TRAPPC12: variants seen among roughly 807,000 people sequenced by gnomAD.
The protein encoded by TRAPPC12 is TPR repeat protein 15.
TRAPPC12 carries 61 observed loss-of-function variants against 69.2 expected under a neutral mutation model. That is an observed-to-expected ratio of 0.88 (90% CI 0.72 to 1.09). The LOEUF (loss-of-function observed/expected upper bound fraction) is 1.09, where lower values mean the gene tolerates loss of function less well. TRAPPC12 is among the 50% of genes least tolerant of loss of function. TRAPPC12 has a pLI of 0.00. For synonymous variants in TRAPPC12, 469 were observed against 438.9 expected (o/e 1.07, Z -0.86); for missense variants, 1,101 against 1,016.4 (o/e 1.08, Z -1.13).
At chr2:3,390,344 C>T (rs1490302870) in intron 2 of TRAPPC12, among the ~76,000 whole-genome samples, 2 of 152,132 alleles carry the variant, frequency 1.3e-5, no homozygotes, top group East Asian at 1.9e-4. Flanking sequence ...TTTTAAAATG[C>T]GTATCAAATG....
At chr2:3,467,611 G>T (rs114076285) in intron 9 of TRAPPC12, 1 of 152,268 alleles carries the variant, frequency 6.6e-6, no homozygotes, top group Non-Finnish European at 1.5e-5. Context: ...GAAGATGCTG[G>T]ATCTGGGAAG....
At chr2:3,427,944 C>T (rs908199963) in intron 5 of TRAPPC12, among the ~76,000 whole-genome samples, 1 of 152,040 alleles carries the variant, frequency 6.6e-6, no homozygotes. Context: ...TTACCTTTGG[C>T]CATTCAGGAA....
chr2:3,472,381 T>A (rs1470187563), intron 9 of TRAPPC12: 1 of 152,252 alleles, frequency 6.6e-6, no homozygotes, highest in African/African-American at 2.4e-5. Flanking sequence ...TCCCTCAGGT[T>A]GTACGATCTG....
chr2:3,397,724 T>C (rs1338580595), intron 2 of TRAPPC12, among the ~76,000 whole-genome samples: 1 of 152,252 alleles, frequency 6.6e-6, no homozygotes, highest in Non-Finnish European at 1.5e-5. Context: ...GAACTTATTA[T>C]ATAGAGATAA....
chr2:3,426,597 G>A (rs567896258), intron 5 of TRAPPC12, among the ~76,000 whole-genome samples: 3 of 152,366 alleles, frequency 2.0e-5, no homozygotes, highest in East Asian at 3.9e-4. Flanking sequence ...CCTCACTGGT[G>A]TTGCTGGCCA....
chr2:3,416,431 G>A (rs576734485), intron 3 of TRAPPC12, among the ~76,000 whole-genome samples: 1 of 152,160 alleles, frequency 6.6e-6, no homozygotes, highest in East Asian at 1.9e-4. Context: ...GCTGAGAGCA[G>A]AAGCACTGCA....
intron 9 of TRAPPC12, 90 bp downstream of exon 9, chr2:3,465,785 A>C (rs1665781294): frequency 1.1e-6 from 1 of 902,922 alleles, no homozygotes; most frequent in Non-Finnish European, 1.8e-6. Context: ...TCATTTTAAT[A>C]TAAGAAAGAC....
At chr2:3,424,734 A>C in intron 5 of TRAPPC12, 71 bp downstream of exon 5, 1 of 1,453,842 alleles carries the variant, frequency 6.9e-7, no homozygotes, top group East Asian at 2.5e-5. Flanking sequence ...TTTATACATA[A>C]TTTCGTAGCC....
chr2:3,385,530 AAC>A (rs1275566130), intron 1 of TRAPPC12, among the ~76,000 whole-genome samples: 1 of 152,158 alleles, frequency 6.6e-6, no homozygotes, highest in Non-Finnish European at 1.5e-5. Flanking sequence ...ATCTCTGATA[AAC>A]AGATTTCCCT....
chr2:3,388,035 G>A lies in TRAPPC12; in HGVS notation c.412G>A (p.Glu138Lys), dbSNP rs538695299. 35 of 1,483,772 alleles carry A rather than the reference G, an allele frequency of 2.4e-5. No homozygotes were observed. The Admixed American group carries it at 6.1e-4, about 26-fold the overall frequency. 91.9% of individuals were successfully genotyped at this position (1,483,772 alleles called of 1,614,324 possible). ...GGAPRQDAAR[E>K]VPGSEAARPE... ...GGCCCCGAGGCAGGACGCGGCCCGC[G>A]AGGTCCCAGGCAGCGAAGCCGCGCG... is the stretch of plus-strand genomic sequence containing the variant. Residue 138 changes from glutamate (E) to lysine (K), a missense_variant, in exon 2 of 12, where the codon GAG (glutamate) becomes AAG (lysine). Coordinates refer to ENST00000324266, the MANE Select transcript of TRAPPC12 (RefSeq NM_016030.6).
In TRAPPC12 at chr2:3,388,094, C is replaced by T. The variant is rs1313356182; in HGVS notation, c.471C>T (p.Val157=). The T allele has an allele frequency of 1.9e-6, 3 of 1,550,838 alleles. No homozygotes were observed. The highest frequency in any genetic ancestry group is 2.4e-5 in the East Asian group (1 of 41,128). The change falls in exon 2 of 12, where the codon GTC becomes GTT. Residue 157 remains valine (V), a synonymous_variant. Coordinates refer to ENST00000324266, the MANE Select transcript of TRAPPC12 (RefSeq NM_016030.6). ...PEQEPPVAEP[V]PVCTIFSQRA... The stretch of plus-strand genomic sequence containing the variant: ...AGGAGCCTCCCGTTGCGGAGCCGGT[C>T]CCGGTGTGCACCATCTTCAGCCAGC...
chr2:3,449,108 G>A (rs1664712825), intron 6 of TRAPPC12: 1 of 152,176 alleles, frequency 6.6e-6, no homozygotes, highest in Non-Finnish European at 1.5e-5. Context: ...CATATACCAC[G>A]AGTTAAAATA....
At chr2:3,449,289 G>C (rs999040268) in intron 6 of TRAPPC12, 8 of 152,290 alleles carry the variant, frequency 5.3e-5, no homozygotes, top group Admixed American at 3.3e-4. Context: ...TAATCCATAC[G>C]GAATGATGCA....
rs575930673 is a variant in TRAPPC12 at position 3,379,720 on chromosome 2, G to A, written c.-161G>A. On this transcript the variant is annotated 5_prime_UTR_variant, in exon 1 of 12. Transcript: ENST00000324266. Reference sequence around the variant, plus strand: ...CCTCGGGTTCCTGCATCGGGCCTGAGCAGAACTAGGCGCGCCGCGGCCCGG... The same window carrying A: ...CCTCGGGTTCCTGCATCGGGCCTGAACAGAACTAGGCGCGCCGCGGCCCGG... The A allele has an allele frequency of 3.9e-5, 6 of 152,458 alleles. No homozygotes were observed. Among genetic ancestry groups the A allele is most frequent in the African/African-American group, 7.2e-5 (3 of 41,594 alleles). The allele number at this position is 152,458 out of a possible 1,614,324, so 9.4% of individuals were successfully genotyped here.
chr2:3,479,539 G>A lies in TRAPPC12; in HGVS notation c.*78G>A, dbSNP rs1025183556. On this transcript the variant is annotated 3_prime_UTR_variant, in exon 12 of 12. Coordinates refer to ENST00000324266, the MANE Select transcript of TRAPPC12 (RefSeq NM_016030.6). ...GAAGCTAATGTATTAATGTGACATGGAGGAACTCAATAAAACTCCTGCTTC... is the reference window on the plus strand; with the variant it reads ...GAAGCTAATGTATTAATGTGACATGAAGGAACTCAATAAAACTCCTGCTTC... 4.5e-6 allele frequency: 7 copies of A among 1,542,698 alleles called. No individual in the cohort carries two copies. Among genetic ancestry groups the A allele is most frequent in the African/African-American group, 1.4e-5 (1 of 73,132 alleles).
At chr2:3,461,533 C>A (rs1665501226) in intron 8 of TRAPPC12, among the ~76,000 whole-genome samples, 1 of 152,260 alleles carries the variant, frequency 6.6e-6, no homozygotes, top group East Asian at 1.9e-4. Context: ...GATCTGAGAT[C>A]TCTGAAATCC....
chr2:3,408,207 T>G (rs1261498750), intron 3 of TRAPPC12, among the ~76,000 whole-genome samples: 2 of 152,232 alleles, frequency 1.3e-5, no homozygotes, highest in African/African-American at 2.4e-5. Context: ...GTTGGAGGCT[T>G]GTACCAGGAG....
chr2:3,429,809 A>G (rs187995764), intron 5 of TRAPPC12, among the ~76,000 whole-genome samples: 6 of 152,320 alleles, frequency 3.9e-5, no homozygotes, highest in Admixed American at 2.6e-4. Flanking sequence ...ACAAAAATTG[A>G]TGTTTATTTA....
intron 6 of TRAPPC12, chr2:3,456,154 T>C (rs958839555): frequency 1.3e-5 from 2 of 152,230 alleles, no homozygotes; most frequent in Non-Finnish European, 1.5e-5. Context: ...GTCCCCTGAG[T>C]CATCGAGGTA....
Sources: gnomAD v4.1 joint callset for allele counts (sites outside exome capture counted in the v4.1 genomes callset) on GRCh38, gnomAD v4.1.1 for gene constraint, MANE v1.5 for transcripts, NCBI Gene and HGNC (gene_info 2026-07-23, HGNC 2026-07-21) for gene names.